The following RTN1 variants were observed in gnomAD, a reference collection of about 807,000 sequenced individuals.
RTN1 encodes reticulon-1.
In RTN1, 25 loss-of-function variants were observed where a neutral mutation model predicts 65.5. The observed-to-expected ratio is 0.38, with a 90% confidence interval of 0.28 to 0.53. RTN1 has a LOEUF of 0.53. Ranked by LOEUF, RTN1 falls within the 20% of genes least tolerant of loss-of-function variation. RTN1 has a pLI of 0.79. For synonymous variants in RTN1, 471 were observed against 447.6 expected, an observed-to-expected ratio of 1.05 and a Z score of -0.66; for missense variants, 983 against 1,025.4, an observed-to-expected ratio of 0.96 and a Z score of 0.57.
At chr14:59,618,486 G>A (rs890348801) in intron 3 of RTN1, among the ~76,000 whole-genome samples, 5 of 152,200 alleles carry the variant, frequency 3.3e-5, no homozygotes, top group East Asian at 1.9e-4. Context: ...ACTGGCTTCC[G>A]CCCACCCACA....
rs563322041 is a variant in RTN1 at position 59,712,624 on chromosome 14, A to G, written c.1765+14295T>C. Among the ~76,000 whole-genome samples the G allele has an allele frequency of 2.6e-5, 4 of 152,356 alleles. No homozygotes were observed. The East Asian group carries it at 5.8e-4, about 22-fold the overall frequency. On this transcript the variant is annotated intron_variant, in intron 3 of 8. Transcript: ENST00000267484. The stretch of plus-strand genomic sequence containing the variant: ...AGTATGTTGCAGAAAGTATTCCTGC[A>G]TTAAATAAGTAATTAGGCCGGGCGT...
At chr14:59,721,452 G>A (rs1026525053) in intron 3 of RTN1, among the ~76,000 whole-genome samples, 4 of 152,216 alleles carry the variant, frequency 2.6e-5, no homozygotes, top group African/African-American at 9.6e-5. Flanking sequence ...GGGCTGCTTA[G>A]CTCATCTGTT....
At chr14:59,767,217 A>C (rs1004818422) in intron 1 of RTN1, among the ~76,000 whole-genome samples, 1 of 152,192 alleles carries the variant, frequency 6.6e-6, no homozygotes, top group Non-Finnish European at 1.5e-5. Context: ...CTAGGTGTGG[A>C]CATGGACTAT....
intron 8 of RTN1, among the ~76,000 whole-genome samples, chr14:59,600,009 C>T (rs1415863650): frequency 6.6e-6 from 1 of 152,176 alleles, no homozygotes; most frequent in African/African-American, 2.4e-5. Context: ...TTACTCGAAG[C>T]TTTAATTTCC....
chr14:59,605,033 T>C (rs1881698748), intron 5 of RTN1: 1 of 169,562 alleles, frequency 5.9e-6, no homozygotes, highest in Non-Finnish European at 1.3e-5. Flanking sequence ...TTAATATTAA[T>C]TTTGGGAAAT....
chr14:59,666,379 T>C (rs1332706052), intron 3 of RTN1, among the ~76,000 whole-genome samples: 2 of 152,166 alleles, frequency 1.3e-5, no homozygotes, highest in African/African-American at 4.8e-5. Flanking sequence ...ATAAAGATGT[T>C]CTTTGAAACC....
At chr14:59,792,647 G>A (rs1180995199) in intron 1 of RTN1, among the ~76,000 whole-genome samples, 1 of 152,102 alleles carries the variant, frequency 6.6e-6, no homozygotes, top group African/African-American at 2.4e-5. Flanking sequence ...GGTATTTACT[G>A]TCATTCCAAT....
At chr14:59,607,777 C>T (rs929912574) in intron 3 of RTN1, among the ~76,000 whole-genome samples, 1 of 151,918 alleles carries the variant, frequency 6.6e-6, no homozygotes, top group Non-Finnish European at 1.5e-5. Flanking sequence ...CTGTGGGCTA[C>T]ACCATCCATA....
intron 1 of RTN1, among the ~76,000 whole-genome samples, chr14:59,784,125 TG>T (rs1886208132): frequency 6.6e-6 from 1 of 152,174 alleles, no homozygotes; most frequent in Admixed American, 6.5e-5. Context: ...TTGTTAATCT[TG>T]TCTTTATGTT....
At chr14:59,662,245 T>C (rs1298008127) in intron 3 of RTN1, among the ~76,000 whole-genome samples, 1 of 152,096 alleles carries the variant, frequency 6.6e-6, no homozygotes, top group Non-Finnish European at 1.5e-5. Flanking sequence ...CGTGCCATGT[T>C]GGTGTGCTGC....
rs1172889026 is a variant in RTN1, at chr14:59,836,285, G to A, written c.241+34105C>T. ...GCCTACCACTGCAGTTAGCATTTTT[G>A]GATTCACATGTGCCAGGCATGCTGC... On this transcript the variant is annotated intron_variant, in intron 1 of 8. Coordinates refer to ENST00000267484, the MANE Select transcript of RTN1 (RefSeq NM_021136.3). This position sits in a 1 kb window ranked among gnomAD's most constrained non-coding sequence, Gnocchi z 4.9. 3.9e-5 allele frequency among the ~76,000 whole-genome samples: 6 copies of A among 152,188 alleles called. No homozygotes were observed.
At chr14:59,807,550 G>A (rs1886659927) in intron 1 of RTN1, among the ~76,000 whole-genome samples, 1 of 152,184 alleles carries the variant, frequency 6.6e-6, no homozygotes, top group Non-Finnish European at 1.5e-5. Flanking sequence ...CTCAACTCTG[G>A]AAGGTCACAG....
chr14:59,746,067 T>C lies in RTN1; in HGVS notation c.656A>G (p.Asp219Gly), dbSNP rs567622692. The C allele has an allele frequency of 1.9e-5, 30 of 1,614,124 alleles. No homozygotes were observed. In the East Asian group the frequency reaches 6.7e-4, roughly 36 times the overall value. ...AGTGTCTTTATTCTTAAAGTCCAAG[T>C]CTTTATCTTCCAGCTCGGGGTGATG... ...EQHHPELEDK[D>G]LDFKNKDTDI... is the part of the protein sequence containing the mutation. Residue 219 changes from aspartate (D) to glycine (G), a missense_variant, in exon 2 of 9, where the codon GAC becomes GGC. By Grantham distance (94) the Asp-to-Gly change is moderately conservative (BLOSUM62 -1). Around this residue, in one of 2 missense-constraint regions of RTN1, gnomAD observed 818 missense variants for 801.8 expected, o/e 1.02. Coordinates refer to ENST00000267484, the MANE Select transcript of RTN1 (RefSeq NM_021136.3).
Position 59,682,332 on chromosome 14 carries a change from T to G in RTN1, c.1765+44587A>C, listed in dbSNP as rs139678789. 7.9e-5 allele frequency among the ~76,000 whole-genome samples: 12 copies of G among 152,330 alleles called. No homozygotes were observed. In the East Asian group the frequency reaches 2.3e-3, roughly 29 times the overall value. On this transcript the variant is annotated intron_variant, in intron 3 of 8. Coordinates refer to ENST00000267484, the MANE Select transcript of RTN1 (RefSeq NM_021136.3). ...GTACATCTTCTCATGATTATTTTAT[T>G]TATTTGAACAAGATTTATTACACAT...
At chr14:59,750,146 A>C (rs1374237063) in intron 1 of RTN1, among the ~76,000 whole-genome samples, 15 of 66,954 alleles carry the variant, frequency 2.2e-4, no homozygotes, top group African/African-American at 9.7e-4. Context: ...TATAATATAT[A>C]TATTATAGAT....
intron 3 of RTN1, among the ~76,000 whole-genome samples, chr14:59,686,713 C>T (rs1883853557): frequency 6.6e-6 from 1 of 152,208 alleles, no homozygotes; most frequent in Non-Finnish European, 1.5e-5. Context: ...CACCTTTCCA[C>T]TGGGGATCTG....
chr14:59,643,342 C>T (rs1431547352), intron 3 of RTN1, among the ~76,000 whole-genome samples: 1 of 152,180 alleles, frequency 6.6e-6, no homozygotes, highest in African/African-American at 2.4e-5. Flanking sequence ...GCCTCAGCCT[C>T]CTGAGTAGCT....
At chr14:59,746,992 T>C (rs1014784016) in intron 1 of RTN1, among the ~76,000 whole-genome samples, 1 of 152,198 alleles carries the variant, frequency 6.6e-6, no homozygotes, top group Non-Finnish European at 1.5e-5. Flanking sequence ...CTTTCATTCA[T>C]GGACTACTGA....
chr14:59,768,456 G>A (rs1885890962), intron 1 of RTN1, among the ~76,000 whole-genome samples: 1 of 152,186 alleles, frequency 6.6e-6, no homozygotes, highest in Non-Finnish European at 1.5e-5. Flanking sequence ...CAGGCAACTG[G>A]AGGTAACTGG....
Sources: gnomAD v4.1 joint callset for allele counts (sites outside exome capture counted in the v4.1 genomes callset) on GRCh38, gnomAD v4.1.1 for gene constraint, gnomAD v4.1.1 regional missense constraint, Gnocchi (gnomAD v3.1) non-coding constraint, MANE v1.5 for transcripts, NCBI Gene and HGNC (gene_info 2026-07-23, HGNC 2026-07-21) for gene names.